The following NPAS3 variants were observed in gnomAD, a reference collection of about 807,000 sequenced individuals.
The protein encoded by NPAS3 is neuronal PAS domain-containing protein 3.
NPAS3 carries 14 observed loss-of-function variants against 73.1 expected under a neutral mutation model. That is an observed-to-expected ratio of 0.19 (90% CI 0.13 to 0.30). NPAS3 has a LOEUF of 0.30. Among genes scored for constraint, NPAS3 ranks in the 10% least tolerant of loss-of-function variants. The pLI is 1.00. For missense variants in NPAS3, 1,096 were observed against 1,250.0 expected (o/e 0.88, Z 1.86); for synonymous variants, 620 against 541.5 (o/e 1.14, Z -2.01).
intron 5 of NPAS3, among the ~76,000 whole-genome samples, chr14:33,655,331 CTTTTTTT>C (rs3059406): frequency 2.8e-5 from 3 of 105,892 alleles, no homozygotes; most frequent in Admixed American, 9.7e-5. Context: ...ACCTTTGGCT[CTTTTTTT>C]TTTTTTTTTT....
At chr14:33,371,234 G>A (rs1385423307) in intron 4 of NPAS3, among the ~76,000 whole-genome samples, 1 of 152,140 alleles carries the variant, frequency 6.6e-6, no homozygotes, top group African/African-American at 2.4e-5. Context: ...ATCCTGAAGA[G>A]ATGTCATAGG....
intron 3 of NPAS3, among the ~76,000 whole-genome samples, chr14:33,353,189 C>A (rs145359429): frequency 6.6e-6 from 1 of 150,654 alleles, no homozygotes; most frequent in African/African-American, 2.4e-5. Flanking sequence ...GAAACAAGGT[C>A]TTTTTGTCTG....
intron 4 of NPAS3, among the ~76,000 whole-genome samples, chr14:33,376,866 T>G (rs1201181489): frequency 6.6e-6 from 1 of 152,222 alleles, no homozygotes; most frequent in Non-Finnish European, 1.5e-5. Flanking sequence ...AATAGTTTAG[T>G]TGAAAGTGCT....
chr14:33,018,850 G>A lies in NPAS3; in HGVS notation c.51-37055G>A, dbSNP rs142794141. On this transcript the variant is annotated intron_variant, in intron 1 of 11. Transcript: ENST00000356141. The stretch of plus-strand genomic sequence containing the variant: ...CGTGTTTAAAGAGCATTTATGTTGA[G>A]TTAAGAAGGTGACATTTCTTTGACG... 5.5e-3 allele frequency among the ~76,000 whole-genome samples: 834 copies of A among 152,062 alleles called. 3 individuals carry two copies. Among genetic ancestry groups the A allele is most frequent in the Non-Finnish European group, 9.3e-3 (629 of 67,990 alleles).
At chr14:33,803,898 T>G (rs975126837), downstream of NPAS3, 2 of 152,186 alleles carry the variant, frequency 1.3e-5, no homozygotes, top group African/African-American at 4.8e-5. Flanking sequence ...TATAAAAAAA[T>G]AATTAAAACG....
intron 4 of NPAS3, among the ~76,000 whole-genome samples, chr14:33,383,351 T>C (rs2046640803): frequency 6.6e-6 from 1 of 152,164 alleles, no homozygotes; most frequent in Admixed American, 6.5e-5. Flanking sequence ...TGATTGATGG[T>C]TAATTGTCCC....
chr14:33,368,651 C>A (rs2045946410), intron 4 of NPAS3, among the ~76,000 whole-genome samples: 1 of 152,112 alleles, frequency 6.6e-6, no homozygotes, highest in Non-Finnish European at 1.5e-5. Flanking sequence ...ACTGATGTTT[C>A]TTGAAATACA....
intron 5 of NPAS3, among the ~76,000 whole-genome samples, chr14:33,653,790 C>T (rs2059067662): frequency 6.6e-6 from 1 of 152,176 alleles, no homozygotes; most frequent in African/African-American, 2.4e-5. Flanking sequence ...AGGCCACTTG[C>T]TGTTTTTATT....
chr14:33,353,928 AAAC>A (rs1037026295), intron 3 of NPAS3, among the ~76,000 whole-genome samples: 11 of 152,162 alleles, frequency 7.2e-5, no homozygotes, highest in African/African-American at 2.7e-4. Context: ...TATGTTGTTT[AAAC>A]AACATCTGGA....
chr14:32,942,976 G>A (rs771451737), intron 1 of NPAS3, among the ~76,000 whole-genome samples: 37 of 152,160 alleles, frequency 2.4e-4, no homozygotes, highest in African/African-American at 4.8e-4. Flanking sequence ...ATATTAGATC[G>A]TATAGCTCCA....
chr14:33,484,470 C>T (rs750097273), intron 4 of NPAS3, among the ~76,000 whole-genome samples: 100 of 152,300 alleles, frequency 6.6e-4, no homozygotes, highest in Middle Eastern at 3.4e-3. Flanking sequence ...TGACAGGAAG[C>T]ACTCAGTAAC....
At chr14:33,519,245 C>T (rs2053450771) in intron 4 of NPAS3, among the ~76,000 whole-genome samples, 4 of 152,126 alleles carry the variant, frequency 2.6e-5, no homozygotes. Flanking sequence ...TGATCCTTCT[C>T]ATCAAACTTC....
chr14:33,551,860 G>A (rs1286221373), intron 4 of NPAS3, among the ~76,000 whole-genome samples: 7 of 152,296 alleles, frequency 4.6e-5, no homozygotes, highest in Admixed American at 1.3e-4. Context: ...AGCACTCCAC[G>A]CGTTTCCCCA....
chr14:33,799,919 G>C (rs2063635511), exon 12 of NPAS3: 4 of 1,614,092 alleles, frequency 2.5e-6, no homozygotes, highest in Non-Finnish European at 3.4e-6. Flanking sequence ...CTCGGACTTT[G>C]AGAACCCCAA....
intron 5 of NPAS3, among the ~76,000 whole-genome samples, chr14:33,574,041 A>G (rs1333391346): frequency 6.6e-6 from 1 of 152,212 alleles, no homozygotes; most frequent in Non-Finnish European, 1.5e-5. Context: ...CTCGTGGGAC[A>G]TCTGTTGAAT....
chr14:33,009,502 G>A (rs1334911957), intron 1 of NPAS3, among the ~76,000 whole-genome samples: 1 of 152,118 alleles, frequency 6.6e-6, no homozygotes, highest in Non-Finnish European at 1.5e-5. Context: ...TTTGGAAGAA[G>A]AGCCTAATGT....
intron 4 of NPAS3, among the ~76,000 whole-genome samples, chr14:33,446,166 C>CT (rs71118544): frequency 0.01 from 1,239 of 119,954 alleles, 30 homozygotes; most frequent in East Asian, 0.043. Flanking sequence ...TTCATGCTTT[C>CT]TTTTTTTTTT....
At chr14:33,661,867 T>A (rs1186437942) in intron 5 of NPAS3, among the ~76,000 whole-genome samples, 1 of 152,164 alleles carries the variant, frequency 6.6e-6, no homozygotes, top group African/African-American at 2.4e-5. Flanking sequence ...TTTGATAAGT[T>A]TTCACCCCTC....
At chr14:33,324,221 C>A (rs1181213590) in intron 3 of NPAS3, among the ~76,000 whole-genome samples, 1 of 152,126 alleles carries the variant, frequency 6.6e-6, no homozygotes, top group East Asian at 1.9e-4. Flanking sequence ...ACAGTGCCTG[C>A]CCCTGAGCTT....
Sources: allele counts gnomAD v4.1 joint callset (sites outside exome capture counted in the v4.1 genomes callset), GRCh38; gene constraint gnomAD v4.1.1; transcripts MANE v1.5; gene names NCBI Gene and HGNC (gene_info 2026-07-23, HGNC 2026-07-21).